FAF2: variants seen among roughly 807,000 people sequenced by gnomAD.
FAF2 encodes the protein FAS-associated factor 2.
Under a neutral mutation model 62.3 loss-of-function variants are expected in FAF2, and 9 were observed. The ratio of observed to expected loss-of-function variants is 0.14; its 90% CI spans 0.09 to 0.25. The LOEUF (loss-of-function observed/expected upper bound fraction) is 0.25. Among genes scored for constraint, FAF2 ranks in the 10% least tolerant of loss-of-function variants. FAF2 has a pLI of 1.00. For missense variants in FAF2, 368 were observed against 556.2 expected, an observed-to-expected ratio of 0.66 and a Z score of 3.40; for synonymous variants, 202 against 198.0, an observed-to-expected ratio of 1.02 and a Z score of -0.17.
intron 1 of FAF2, among the ~76,000 whole-genome samples, chr5:176,468,856 A>T (rs1758515017): frequency 6.6e-6 from 1 of 152,070 alleles, no homozygotes. Context: ...AGGCAGAAGG[A>T]GTACTTGAGC....
At chr5:176,456,661 C>T (rs1378179611) in intron 1 of FAF2, among the ~76,000 whole-genome samples, 1 of 152,032 alleles carries the variant, frequency 6.6e-6, no homozygotes, top group Admixed American at 6.6e-5. Flanking sequence ...TGGTCTTCCC[C>T]TATATATGCC....
At position 176,474,457 on chromosome 5, in the gene FAF2, C is replaced by T. The variant is rs186239159; in HGVS notation, c.64-4731C>T. ...CAAAGTTTCTTAGCACCCCCCTTCCCCCTTTGGTGAGGTTGTTTCACATAT... is the reference window on the plus strand; with the variant it reads ...CAAAGTTTCTTAGCACCCCCCTTCCTCCTTTGGTGAGGTTGTTTCACATAT... On this transcript the variant is annotated intron_variant, in intron 1 of 10. Transcript: ENST00000261942. 3.2e-3 allele frequency among the ~76,000 whole-genome samples: 481 copies of T among 152,330 alleles called. 1 individual carries two copies. Among genetic ancestry groups the T allele is most frequent in the African/African-American group, 0.011 (457 of 41,580 alleles).
At chr5:176,476,968 C>CG (rs1230000943) in intron 1 of FAF2, among the ~76,000 whole-genome samples, 2 of 151,784 alleles carry the variant, frequency 1.3e-5, no homozygotes, top group Non-Finnish European at 2.9e-5. Flanking sequence ...CACCACCATG[C>CG]CCGGCTAATT....
intron 4 of FAF2, among the ~76,000 whole-genome samples, chr5:176,490,189 T>C (rs1196604318): frequency 2.0e-5 from 3 of 151,900 alleles, no homozygotes; most frequent in African/African-American, 7.3e-5. Flanking sequence ...CTGGTGCCTG[T>C]AGTCCCAACT....
chr5:176,454,690 C>A (rs932067044), intron 1 of FAF2, among the ~76,000 whole-genome samples: 6 of 151,572 alleles, frequency 4.0e-5, no homozygotes, highest in Admixed American at 3.9e-4. Flanking sequence ...TTTATTTCCC[C>A]ATTCTAATTC....
chr5:176,473,402 A>G (rs1014245091), intron 1 of FAF2, among the ~76,000 whole-genome samples: 10 of 152,208 alleles, frequency 6.6e-5, no homozygotes, highest in Admixed American at 4.6e-4. Context: ...GATTTTCACT[A>G]CATCAAATCA....
chr5:176,459,951 G>T, intron 1 of FAF2, among the ~76,000 whole-genome samples: 1 of 152,024 alleles, frequency 6.6e-6, no homozygotes, highest in South Asian at 2.1e-4. Flanking sequence ...TGTACTCAGT[G>T]TTTAGCTCCT....
At chr5:176,493,323 T>C (rs1033504340) in intron 5 of FAF2, among the ~76,000 whole-genome samples, 16 of 152,306 alleles carry the variant, frequency 1.1e-4, no homozygotes, top group African/African-American at 3.8e-4. Flanking sequence ...GTGCTAGAGA[T>C]ACAGAGATGA....
At chr5:176,503,275 C>T (rs1404478709) in intron 10 of FAF2, among the ~76,000 whole-genome samples, 3 of 152,018 alleles carry the variant, frequency 2.0e-5, no homozygotes, top group African/African-American at 7.2e-5. Flanking sequence ...CTTGTGTCGG[C>T]CGGGTGCAGT....
rs140754392 is a variant in FAF2, at chr5:176,480,523, C to G, written c.132+1267C>G. On this transcript the variant is annotated intron_variant, in intron 2 of 10. Coordinates refer to ENST00000261942, the MANE Select transcript of FAF2 (RefSeq NM_014613.3). ...TGACTTCTGGGCTCAAGCAATTTTCCTGCCCTAGCCTCCCAAATAGCTGGG... is the reference window on the plus strand; with the variant it reads ...TGACTTCTGGGCTCAAGCAATTTTCGTGCCCTAGCCTCCCAAATAGCTGGG... 7.6e-3 allele frequency among the ~76,000 whole-genome samples: 1,149 copies of G among 152,170 alleles called. 13 individuals are homozygous for G. Among genetic ancestry groups the G allele is most frequent in the African/African-American group, 0.026 (1,062 of 41,516 alleles).
At chr5:176,462,904 A>G (rs1029147595) in intron 1 of FAF2, among the ~76,000 whole-genome samples, 2 of 152,192 alleles carry the variant, frequency 1.3e-5, no homozygotes, top group Non-Finnish European at 2.9e-5. Context: ...GAGGACCAAT[A>G]AAGTTTGCTT....
At chr5:176,460,646 T>A (rs1758362438) in intron 1 of FAF2, among the ~76,000 whole-genome samples, 1 of 151,814 alleles carries the variant, frequency 6.6e-6, no homozygotes, top group African/African-American at 2.4e-5. Flanking sequence ...CCTGGCCCTG[T>A]AAATGTCTTT....
chr5:176,498,265 G>T (rs1248919928), intron 8 of FAF2, among the ~76,000 whole-genome samples: 1 of 152,154 alleles, frequency 6.6e-6, no homozygotes, highest in African/African-American at 2.4e-5. Flanking sequence ...GTGATTACAT[G>T]GTTACATTTA....
intron 1 of FAF2, among the ~76,000 whole-genome samples, chr5:176,450,071 T>C (rs2113710869): frequency 1.3e-5 from 2 of 152,366 alleles, no homozygotes; most frequent in Middle Eastern, 6.8e-3. Context: ...GAGTGTGGAA[T>C]GCAAATGCTG....
chr5:176,467,677 G>A, intron 1 of FAF2, among the ~76,000 whole-genome samples: 1 of 152,166 alleles, frequency 6.6e-6, no homozygotes, highest in Non-Finnish European at 1.5e-5. Context: ...CCTTTATTAA[G>A]CACTTACTGT....
At chr5:176,450,536 AT>A (rs974283297) in intron 1 of FAF2, among the ~76,000 whole-genome samples, 1 of 151,610 alleles carries the variant, frequency 6.6e-6, no homozygotes, top group East Asian at 1.9e-4. Flanking sequence ...AGGAACCTCC[AT>A]TTTATCTTCT....
At position 176,495,409 on chromosome 5, in the gene FAF2, AT is replaced by A. The variant is rs371630803; in HGVS notation, c.662-1068del. Among the ~76,000 whole-genome samples, 1,145 of 151,448 alleles carry A rather than the reference AT, an allele frequency of 7.6e-3. 13 individuals carry two copies. Among genetic ancestry groups the A allele is most frequent in the African/African-American group, 0.026 (1,059 of 41,300 alleles). On this transcript the variant is annotated intron_variant, in intron 7 of 10. Coordinates refer to ENST00000261942, the MANE Select transcript of FAF2 (RefSeq NM_014613.3). ...GGTTGTGAATAGAAGGAAGGTAAGG[AT>A]TTTTTTTTAATAGAAGTTTATAAAA...
intron 1 of FAF2, among the ~76,000 whole-genome samples, chr5:176,459,501 G>C (rs1036196101): frequency 6.6e-6 from 1 of 152,078 alleles, no homozygotes; most frequent in African/African-American, 2.4e-5. Context: ...CTGGGCTCAA[G>C]CGATCTGCCT....
chr5:176,494,158 C>T lies in FAF2; in HGVS notation c.570-26C>T, dbSNP rs1759022308. 6.2e-7 allele frequency: 1 copy of T among 1,610,044 alleles called. No individual in the cohort carries two copies. The highest frequency in any genetic ancestry group is 2.2e-5 in the East Asian group (1 of 44,812). The stretch of plus-strand genomic sequence containing the variant: ...CAGTTTATAGTCAGCAAGTTGTTCT[C>T]ATATCCTTTTCATACCTTTCCACAG... On this transcript the variant is annotated intron_variant, in intron 6 of 10. Transcript: ENST00000261942. The surrounding 1 kb of genome is among the most constrained non-coding windows in gnomAD (Gnocchi z 4.0).
Sources: gnomAD v4.1 joint callset for allele counts (sites outside exome capture counted in the v4.1 genomes callset) on GRCh38, gnomAD v4.1.1 for gene constraint, Gnocchi (gnomAD v3.1) non-coding constraint, MANE v1.5 for transcripts, NCBI Gene and HGNC (gene_info 2026-07-23, HGNC 2026-07-21) for gene names.